ADAT2: variants seen among roughly 807,000 people sequenced by gnomAD.
The protein encoded by ADAT2 is tRNA-specific adenosine-34 deaminase catalytic subunit ADAT2.
A neutral mutation model predicts 25.9 loss-of-function variants in ADAT2; 26 were observed. The observed-to-expected ratio is 1.00, with a 90% CI of 0.74 to 1.39. The LOEUF (loss-of-function observed/expected upper bound fraction) is 1.39. Ranked by LOEUF, ADAT2 falls within the 40% of genes most tolerant of loss-of-function variation. The probability of loss-of-function intolerance (pLI) is 0.00; values close to 1 mark genes in which losing one functional copy is unlikely to be tolerated. For missense variants in ADAT2, 220 were observed against 244.8 expected, an observed-to-expected ratio of 0.90 and a Z score of 0.68; for synonymous variants, 76 against 86.8, an observed-to-expected ratio of 0.88 and a Z score of 0.69.
rs1437813089 is a variant in ADAT2, at chr6:143,442,375, C to T, written c.97-3681G>A. Among the ~76,000 whole-genome samples the T allele has an allele frequency of 2.0e-5, 3 of 151,870 alleles. No individual in the cohort carries two copies. Among genetic ancestry groups the T allele is most frequent in the Non-Finnish European group, 4.4e-5 (3 of 68,004 alleles). The stretch of plus-strand genomic sequence containing the variant: ...TTATAGACAGAGAACAGATTAGAAG[C>T]TGCAGCTATAAAGAGGTAGCACAAG... On this transcript the variant is annotated intron_variant, in intron 1 of 5. Transcript: ENST00000237283. The surrounding 1 kb of genome is among the most constrained non-coding windows in gnomAD (Gnocchi z 4.6).
rs1386847229 is a variant in ADAT2, at chr6:143,444,911, G to A, written c.96+5652C>T. 7.7e-6 allele frequency: 10 copies of A among 1,299,068 alleles called. No homozygotes were observed. Among genetic ancestry groups the A allele is most frequent in the African/African-American group, 1.5e-5 (1 of 65,796 alleles). 80.5% of individuals were successfully genotyped at this position (1,299,068 alleles called of 1,614,324 possible). On this transcript the variant is annotated intron_variant, in intron 1 of 5. Coordinates refer to ENST00000237283, the MANE Select transcript of ADAT2 (RefSeq NM_182503.3). The surrounding 1 kb of genome is among the most constrained non-coding windows in gnomAD (Gnocchi z 4.3). ...TCTAGTGATGTCATGATAAAAGGGGGAGAGATGGAAACAGACCTTGTTTGC... is the reference window on the plus strand; with the variant it reads ...TCTAGTGATGTCATGATAAAAGGGGAAGAGATGGAAACAGACCTTGTTTGC...
At chr6:143,430,622 C>T (rs893426200) in intron 4 of ADAT2, among the ~76,000 whole-genome samples, 3 of 152,018 alleles carry the variant, frequency 2.0e-5, no homozygotes, top group Non-Finnish European at 4.4e-5. Context: ...AGTGCAGTGG[C>T]GCAATCTCGG....
Position 143,432,040 on chromosome 6 carries a change from G to T in ADAT2, c.459+465C>A, listed in dbSNP as rs1779130594. ...AAAAAGACATGAAAATACAGTGATT[G>T]CTAGATACTAAAATAAGGATGTGGC... On this transcript the variant is annotated intron_variant, in intron 4 of 5. Coordinates refer to ENST00000237283, the MANE Select transcript of ADAT2 (RefSeq NM_182503.3). The surrounding 1 kb of genome is among the most constrained non-coding windows in gnomAD (Gnocchi z 4.4). Among the ~76,000 whole-genome samples, 1 of 152,296 alleles carries T rather than the reference G, an allele frequency of 6.6e-6. No homozygotes were observed. Among genetic ancestry groups the T allele is most frequent in the East Asian group, 1.9e-4 (1 of 5,186 alleles).
rs1247487750 is a variant in ADAT2, at chr6:143,437,326, T to C, written c.201+1264A>G. 1.3e-5 allele frequency among the ~76,000 whole-genome samples: 2 copies of C among 152,232 alleles called. No homozygotes were observed. Among genetic ancestry groups the C allele is most frequent in the Non-Finnish European group, 2.9e-5 (2 of 68,034 alleles). On this transcript the variant is annotated intron_variant, in intron 2 of 5. Transcript: ENST00000237283. This position sits in a 1 kb window ranked among gnomAD's most constrained non-coding sequence, Gnocchi z 4.1. ...TCAGTATTTTTAATCACTGATAATC[T>C]AATGTTACAAAGAAATTGCTTTTTT...
At position 143,425,500 on chromosome 6, in the gene ADAT2, CA is replaced by C. The variant is rs369961060; in HGVS notation, c.*2962del. On this transcript the variant is annotated 3_prime_UTR_variant, in exon 6 of 6. Coordinates refer to ENST00000237283, the MANE Select transcript of ADAT2 (RefSeq NM_182503.3). ...CTGGACGACAGAGTGAGACCTATCT[CA>C]AAAAAAAAAAAAAAAAAGAAAAAGC... The C allele has an allele frequency of 0.22, 26,262 of 118,474 alleles. 2,387 individuals are homozygous for C. Among genetic ancestry groups the C allele is most frequent in the African/African-American group, 0.29 (9,512 of 33,034 alleles). 7.3% of individuals were successfully genotyped at this position (118,474 alleles called of 1,614,324 possible).
Position 143,444,832 on chromosome 6 carries a change from A to C in ADAT2, c.96+5731T>G, listed in dbSNP as rs1779556352. 1.3e-5 allele frequency: 12 copies of C among 923,330 alleles called. No individual in the cohort carries two copies. The highest frequency in any genetic ancestry group is 1.6e-5 in the Non-Finnish European group (11 of 684,164). 57.2% of individuals were successfully genotyped at this position (923,330 alleles called of 1,614,324 possible). A position where few individuals can be genotyped will look rare whatever the true frequency, so the allele number is the denominator to read the frequency against. ...CAGATAATGAAAGCACCTAGATGGA[A>C]GAGACTTCGTAGTTTATTATTTTCT... On this transcript the variant is annotated intron_variant, in intron 1 of 5. Coordinates refer to ENST00000237283, the MANE Select transcript of ADAT2 (RefSeq NM_182503.3). This position sits in a 1 kb window ranked among gnomAD's most constrained non-coding sequence, Gnocchi z 4.3.
At chr6:143,443,901 GATTTT>G (rs761085754) in intron 1 of ADAT2, among the ~76,000 whole-genome samples, 1 of 151,836 alleles carries the variant, frequency 6.6e-6, no homozygotes, top group Non-Finnish European at 1.5e-5. Flanking sequence ...ATGTGATCAG[GATTTT>G]CTGTAAAAAT....
chr6:143,448,030 A>T (rs1190481410), intron 1 of ADAT2, among the ~76,000 whole-genome samples: 1 of 152,234 alleles, frequency 6.6e-6, no homozygotes, highest in African/African-American at 2.4e-5. Context: ...GGATTAAGCA[A>T]ATGTGGCTCA....
At position 143,428,595 on chromosome 6, in the gene ADAT2, C is replaced by T. The variant is rs772683184; in HGVS notation, c.532+17G>A. The stretch of plus-strand genomic sequence containing the variant: ...ATGGATTTAAGGGAAGGACATTATC[C>T]ACAACAGAAAACTGACCATTTGGAT... On this transcript the variant is annotated intron_variant, in intron 5 of 5. Coordinates refer to ENST00000237283, the MANE Select transcript of ADAT2 (RefSeq NM_182503.3). This position sits in a 1 kb window ranked among gnomAD's most constrained non-coding sequence, Gnocchi z 5.0. 5 of 1,613,656 alleles carry T rather than the reference C, an allele frequency of 3.1e-6. No individual in the cohort carries two copies. Among genetic ancestry groups the T allele is most frequent in the Non-Finnish European group, 4.2e-6 (5 of 1,179,736 alleles).
chr6:143,447,886 C>T (rs1392676069), intron 1 of ADAT2, among the ~76,000 whole-genome samples: 1 of 152,154 alleles, frequency 6.6e-6, no homozygotes. Context: ...CCCAGCCATC[C>T]CATTACTGAG....
Position 143,437,494 on chromosome 6 carries a change from T to G in ADAT2, c.201+1096A>C, listed in dbSNP as rs1226078402. On this transcript the variant is annotated intron_variant, in intron 2 of 5. Transcript: ENST00000237283. The surrounding 1 kb of genome is among the most constrained non-coding windows in gnomAD (Gnocchi z 4.1). ...CTAAGAACTCATTTCTGATTAAGGA[T>G]GTGAACATTTTGTCAAGCATTGCAA... Among the ~76,000 whole-genome samples, 1 of 152,214 alleles carries G rather than the reference T, an allele frequency of 6.6e-6. No individual in the cohort carries two copies. Among genetic ancestry groups the G allele is most frequent in the Non-Finnish European group, 1.5e-5 (1 of 68,022 alleles).
chr6:143,428,564 C>A lies in ADAT2; in HGVS notation c.532+48G>T. 2.5e-6 allele frequency: 4 copies of A among 1,612,630 alleles called. No individual in the cohort carries two copies. The highest frequency in any genetic ancestry group is 3.4e-6 in the Non-Finnish European group (4 of 1,178,898). On this transcript the variant is annotated intron_variant, in intron 5 of 5. Transcript: ENST00000237283. This position sits in a 1 kb window ranked among gnomAD's most constrained non-coding sequence, Gnocchi z 5.0. Reference sequence around the variant, plus strand: ...AAGAGGTAAGCTCATAGCAGATTCTCTTTGTATGGATTTAAGGGAAGGACA... The same window carrying A: ...AAGAGGTAAGCTCATAGCAGATTCTATTTGTATGGATTTAAGGGAAGGACA...
Position 143,428,455 on chromosome 6 carries a change from G to T in ADAT2, c.*8C>A. The T allele has an allele frequency of 6.2e-7, 1 of 1,613,108 alleles. No individual in the cohort carries two copies. The highest frequency in any genetic ancestry group is 1.1e-5 in the South Asian group (1 of 90,994). On this transcript the variant is annotated 3_prime_UTR_variant, in exon 6 of 6. Transcript: ENST00000237283. The surrounding 1 kb of genome is among the most constrained non-coding windows in gnomAD (Gnocchi z 5.0). Reference sequence around the variant, plus strand: ...TTTGGGTCACTTGGTTCTTTCATCAGAACATGTTCAAGATTTCTGACATTC... The same window carrying T: ...TTTGGGTCACTTGGTTCTTTCATCATAACATGTTCAAGATTTCTGACATTC...
rs949787343 is a variant in ADAT2 at position 143,427,410 on chromosome 6, G to C, written c.*1053C>G. The C allele has an allele frequency of 5.3e-5, 8 of 152,304 alleles. No individual in the cohort carries two copies. The highest frequency in any genetic ancestry group is 1.9e-4 in the African/African-American group (8 of 41,460). The allele number at this position is 152,304 out of a possible 1,614,324, so 9.4% of individuals were successfully genotyped here. A position where few individuals can be genotyped will look rare whatever the true frequency, so the allele number is the denominator to read the frequency against. ...ACGGCGAGGCCCCCTTCTGGGCAGA[G>C]GCACACAGTGCGCCCAGAGGGCTGT... is the stretch of plus-strand genomic sequence containing the variant. On this transcript the variant is annotated 3_prime_UTR_variant, in exon 6 of 6. Transcript: ENST00000237283.
chr6:143,450,404 A>T (rs1779727994), intron 1 of ADAT2, among the ~76,000 whole-genome samples, 159 bp downstream of exon 1: 1 of 152,194 alleles, frequency 6.6e-6, no homozygotes, highest in Non-Finnish European at 1.5e-5. Context: ...AGAATGGGCT[A>T]CAGAAAGTTT....
Position 143,442,075 on chromosome 6 carries a change from C to CTG in ADAT2, c.97-3382_97-3381insCA, listed in dbSNP as rs1364717910. 3.3e-5 allele frequency: 5 copies of CTG among 152,170 alleles called. No individual in the cohort carries two copies. Among genetic ancestry groups the CTG allele is most frequent in the Non-Finnish European group, 7.4e-5 (5 of 68,022 alleles). The allele number at this position is 152,170 out of a possible 1,614,324, so 9.4% of individuals were successfully genotyped here. ...GCATTTATCCCAGAGAAATGAAAAC[C>CTG]TATGCTCACACAATGTATGTCTGTG... is the stretch of plus-strand genomic sequence containing the variant. On this transcript the variant is annotated intron_variant, in intron 1 of 5. Transcript: ENST00000237283. This position sits in a 1 kb window ranked among gnomAD's most constrained non-coding sequence, Gnocchi z 4.6.
In ADAT2 at chr6:143,428,630, T is replaced by C. The variant is rs1779011677; in HGVS notation, c.514A>G (p.Lys172Glu). 6.2e-7 allele frequency: 1 copy of C among 1,614,100 alleles called. No homozygotes were observed. Among genetic ancestry groups the C allele is most frequent in the Middle Eastern group, 1.7e-4 (1 of 6,060 alleles). The change falls in exon 5 of 6, where the codon AAA becomes GAA. Residue 172 changes from lysine to glutamate, a missense_variant. By Grantham distance (56) the Lys-to-Glu change is moderately conservative. Coordinates refer to ENST00000237283, the MANE Select transcript of ADAT2 (RefSeq NM_182503.3). The surrounding 1 kb of genome is among the most constrained non-coding windows in gnomAD (Gnocchi z 5.0). ...EAVEMLKTFY[K>E]QENPNAPKSK... is the part of the protein sequence containing the mutation. Reference sequence around the variant, plus strand: ...AACTGACCATTTGGATTTTCTTGTTTGTAGAAGGTCTTTAACATTTCCACT... The same window carrying C: ...AACTGACCATTTGGATTTTCTTGTTCGTAGAAGGTCTTTAACATTTCCACT...
At chr6:143,445,528 C>T (rs1488649594) in intron 1 of ADAT2, among the ~76,000 whole-genome samples, 1 of 152,148 alleles carries the variant, frequency 6.6e-6, no homozygotes, top group Non-Finnish European at 1.5e-5. Flanking sequence ...CACCAGCCCA[C>T]ATCCTTTTGG....
At chr6:143,430,077 G>C (rs1442975613) in intron 4 of ADAT2, among the ~76,000 whole-genome samples, 1 of 152,046 alleles carries the variant, frequency 6.6e-6, no homozygotes, top group Non-Finnish European at 1.5e-5. Flanking sequence ...TGCAGTCCTG[G>C]AGGCAACTGG....
Sources: gnomAD v4.1 joint callset for allele counts (sites outside exome capture counted in the v4.1 genomes callset) on GRCh38, gnomAD v4.1.1 for gene constraint, Gnocchi (gnomAD v3.1) non-coding constraint, MANE v1.5 for transcripts, NCBI Gene and HGNC (gene_info 2026-07-23, HGNC 2026-07-21) for gene names.